The following EYA2 variants were observed in gnomAD, a reference collection of about 807,000 sequenced individuals.
EYA2 encodes EYA transcriptional coactivator and phosphatase 2, also known as protein phosphatase EYA2.
A neutral mutation model predicts 69.2 loss-of-function variants in EYA2; 31 were observed. The ratio of observed to expected loss-of-function variants is 0.45; its 90% CI spans 0.34 to 0.60. EYA2 has a LOEUF of 0.60. EYA2 is among the 20% of genes least tolerant of loss of function. The pLI is 0.02. For synonymous variants in EYA2, 257 were observed against 279.4 expected (o/e 0.92, Z 0.80); for missense variants, 622 against 701.2 (o/e 0.89, Z 1.28).
At chr20:46,964,319 G>A (rs1018330570) in intron 1 of EYA2, among the ~76,000 whole-genome samples, 2 of 152,194 alleles carry the variant, frequency 1.3e-5, no homozygotes, top group African/African-American at 4.8e-5. Flanking sequence ...TCTCACTCCA[G>A]GAGTGTGGAG....
At chr20:47,176,450 G>A (rs535708243) in intron 12 of EYA2, among the ~76,000 whole-genome samples, 5 of 152,252 alleles carry the variant, frequency 3.3e-5, no homozygotes, top group African/African-American at 1.2e-4. Context: ...AGAGAGCCCA[G>A]CGTGGGCAGT....
intron 2 of EYA2, chr20:46,998,532 G>T (rs1002727209): frequency 6.6e-6 from 1 of 152,268 alleles, no homozygotes; most frequent in African/African-American, 2.4e-5. Context: ...GGCGTTCTCT[G>T]CTCTTGGGCA....
chr20:46,903,445 G>A (rs1020241770), intron 1 of EYA2, among the ~76,000 whole-genome samples: 4 of 152,296 alleles, frequency 2.6e-5, no homozygotes, highest in East Asian at 3.9e-4. Context: ...CCCTCAATGC[G>A]TTGTGCAGAA....
rs11482114 is a variant in EYA2 at position 47,116,994 on chromosome 20, ATT to A, written c.888+19845_888+19846del. 9.9e-3 allele frequency among the ~76,000 whole-genome samples: 1,159 copies of A among 116,996 alleles called. 20 individuals are homozygous for A. The highest frequency in any genetic ancestry group is 0.036 in the African/African-American group (1,059 of 29,732). The allele number at this position is 116,996 out of a possible 152,430, so 76.8% of individuals were successfully genotyped here. A position where few individuals can be genotyped will look rare whatever the true frequency, so the allele number is the denominator to read the frequency against. ...GTAGACTCACTGAACATGCATCTGCATTTTTTTTTTTTTTTTTTTTGAGGCAG... is the reference window on the plus strand; with the variant it reads ...GTAGACTCACTGAACATGCATCTGCATTTTTTTTTTTTTTTTTTGAGGCAG... On this transcript the variant is annotated intron_variant, in intron 9 of 15. Coordinates refer to ENST00000327619, the MANE Select transcript of EYA2 (RefSeq NM_005244.5).
intron 5 of EYA2, among the ~76,000 whole-genome samples, chr20:47,048,912 T>G (rs531316726): frequency 2.4e-4 from 36 of 152,268 alleles, no homozygotes; most frequent in African/African-American, 8.7e-4. Flanking sequence ...TAGTAGTGGG[T>G]GACATTTGTT....
chr20:47,187,173 A>C (rs1426387878), intron 15 of EYA2, among the ~76,000 whole-genome samples: 1 of 152,076 alleles, frequency 6.6e-6, no homozygotes. Flanking sequence ...GTTTGAGACC[A>C]GCCTGGTCAC....
chr20:47,061,053 C>T (rs1315169629), intron 5 of EYA2, among the ~76,000 whole-genome samples: 1 of 151,872 alleles, frequency 6.6e-6, no homozygotes, highest in Admixed American at 6.6e-5. Context: ...GGGGTTTTAC[C>T]ATGTTGGTCA....
chr20:46,922,833 A>G (rs528932705), intron 1 of EYA2, among the ~76,000 whole-genome samples: 157 of 152,334 alleles, frequency 1.0e-3, no homozygotes, highest in Admixed American at 2.2e-3. Flanking sequence ...AGAGAAAATA[A>G]TAGTCACTAT....
At chr20:46,986,156 A>C (rs1056114732) in intron 1 of EYA2, among the ~76,000 whole-genome samples, 4 of 151,954 alleles carry the variant, frequency 2.6e-5, no homozygotes, top group African/African-American at 9.7e-5. Context: ...CAAGACACCT[A>C]GGCCTCTATC....
At chr20:47,171,406 T>C (rs1183949140) in intron 11 of EYA2, among the ~76,000 whole-genome samples, 2 of 152,198 alleles carry the variant, frequency 1.3e-5, no homozygotes, top group Non-Finnish European at 2.9e-5. Flanking sequence ...TTGTTTTGTT[T>C]TGTTTTGTTT....
At chr20:47,071,032 G>T (rs764031599) in intron 5 of EYA2, among the ~76,000 whole-genome samples, 6 of 150,988 alleles carry the variant, frequency 4.0e-5, no homozygotes, top group Non-Finnish European at 7.4e-5. Flanking sequence ...TTTCCAAGAT[G>T]GAGTCTTGCT....
chr20:46,968,716 T>C (rs1474248412), intron 1 of EYA2, among the ~76,000 whole-genome samples: 1 of 152,104 alleles, frequency 6.6e-6, no homozygotes, highest in Non-Finnish European at 1.5e-5. Context: ...CCCTCCCCAT[T>C]GGTGATAACC....
intron 5 of EYA2, among the ~76,000 whole-genome samples, chr20:47,044,357 A>G (rs768796553): frequency 5.3e-5 from 8 of 152,316 alleles, no homozygotes; most frequent in Non-Finnish European, 8.8e-5. Flanking sequence ...TGTGCCAGGC[A>G]TTGTTCCAGG....
chr20:47,054,112 G>T (rs2030482241), intron 5 of EYA2, among the ~76,000 whole-genome samples: 1 of 151,900 alleles, frequency 6.6e-6, no homozygotes, highest in African/African-American at 2.4e-5. Flanking sequence ...ATAAGTATAA[G>T]TGATTATTGT....
intron 10 of EYA2, chr20:47,160,841 T>C (rs3092571): frequency 0.18 from 44,014 of 244,756 alleles, 5,682 homozygotes; most frequent in African/African-American, 0.41. Context: ...AAAAACCCTA[T>C]GTTGTAGCCA....
chr20:46,979,263 G>A (rs1318242692), intron 1 of EYA2, among the ~76,000 whole-genome samples: 1 of 152,148 alleles, frequency 6.6e-6, no homozygotes, highest in Non-Finnish European at 1.5e-5. Flanking sequence ...CCCTCCAGCT[G>A]TCATCTCTCG....
intron 9 of EYA2, among the ~76,000 whole-genome samples, chr20:47,109,165 C>T (rs770511989): frequency 6.6e-6 from 1 of 152,168 alleles, no homozygotes; most frequent in Non-Finnish European, 1.5e-5. Context: ...CTGAAGAGAC[C>T]TGATTGCTTC....
chr20:47,173,936 G>A (rs530177073), intron 12 of EYA2, among the ~76,000 whole-genome samples: 1 of 152,300 alleles, frequency 6.6e-6, no homozygotes, highest in African/African-American at 2.4e-5. Flanking sequence ...CCCGCCCCCT[G>A]GCTTCAGGTA....
intron 9 of EYA2, among the ~76,000 whole-genome samples, chr20:47,133,232 G>T (rs3827055): frequency 0.18 from 26,622 of 151,934 alleles, 2,376 homozygotes; most frequent in Middle Eastern, 0.23. Context: ...CTTGAGCCTA[G>T]ATCTACCAGC....
Sources: allele counts gnomAD v4.1 joint callset (sites outside exome capture counted in the v4.1 genomes callset), GRCh38; gene constraint gnomAD v4.1.1; transcripts MANE v1.5; gene names NCBI Gene and HGNC (gene_info 2026-07-23, HGNC 2026-07-21).